NIPBL: variants seen among roughly 807,000 people sequenced by gnomAD.
NIPBL encodes nipped-B-like protein.
In NIPBL, 19 loss-of-function variants were observed where a neutral mutation model predicts 321.8. The ratio of observed to expected loss-of-function variants is 0.06; its 90% CI spans 0.04 to 0.09. The LOEUF is 0.09. NIPBL is among the 10% of genes least tolerant of loss of function. The pLI, the probability that NIPBL is intolerant of heterozygous loss-of-function variation, is 1.00. For missense variants in NIPBL, 2,210 were observed against 3,327.0 expected (o/e 0.66, Z 8.26); for synonymous variants, 1,106 against 1,114.1 (o/e 0.99, Z 0.14).
intron 31 of NIPBL, 97 bp downstream of exon 31, chr5:37,026,424 A>G (rs1750274464): frequency 1.3e-6 from 1 of 753,792 alleles, no homozygotes; most frequent in Non-Finnish European, 2.4e-6. Flanking sequence ...GAGATATTTC[A>G]TTAATCTTGA....
chr5:36,943,750 G>C (rs1164669627), intron 1 of NIPBL, among the ~76,000 whole-genome samples: 1 of 152,044 alleles, frequency 6.6e-6, no homozygotes, highest in African/African-American at 2.4e-5. Context: ...AGTACGGAGA[G>C]GAAGATAAAA....
chr5:36,897,394 C>T (rs904660349), intron 1 of NIPBL, among the ~76,000 whole-genome samples: 17 of 152,104 alleles, frequency 1.1e-4, no homozygotes. Context: ...TATCCTGCAA[C>T]CTTGCTGAAC....
chr5:36,924,441 T>A (rs192576739), intron 1 of NIPBL, among the ~76,000 whole-genome samples: 1 of 152,292 alleles, frequency 6.6e-6, no homozygotes, highest in East Asian at 1.9e-4. Context: ...GAATTCATAT[T>A]CTGATTGTGG....
chr5:37,032,380 T>A (rs1472732536), intron 32 of NIPBL, among the ~76,000 whole-genome samples: 1 of 140,030 alleles, frequency 7.1e-6, no homozygotes, highest in Non-Finnish European at 1.5e-5. Context: ...TATGCATACA[T>A]GTATACGTGT....
At chr5:36,891,921 A>G (rs1458139404) in intron 1 of NIPBL, among the ~76,000 whole-genome samples, 1 of 152,108 alleles carries the variant, frequency 6.6e-6, no homozygotes, top group Non-Finnish European at 1.5e-5. Flanking sequence ...GAGAGAATGA[A>G]AACAGTCAAG....
chr5:37,054,884 A>T (rs767894771), intron 42 of NIPBL, among the ~76,000 whole-genome samples: 2 of 152,208 alleles, frequency 1.3e-5, no homozygotes, highest in Non-Finnish European at 2.9e-5. Flanking sequence ...CATAATGAGG[A>T]ATAATATATA....
In NIPBL at chr5:36,936,053, A is replaced by T. The variant is rs191756483; in HGVS notation, c.-79-17565A>T. Among the ~76,000 whole-genome samples, 25 of 152,200 alleles carry T rather than the reference A, an allele frequency of 1.6e-4. No homozygotes were observed. The East Asian group carries it at 4.6e-3, about 28-fold the overall frequency. Reference sequence around the variant, plus strand: ...ATGGGCTCCCAGTGGACTTATTTGCAGGGGGTTGAGGGTTTCACATTTCAA... The same window carrying T: ...ATGGGCTCCCAGTGGACTTATTTGCTGGGGGTTGAGGGTTTCACATTTCAA... On this transcript the variant is annotated intron_variant, in intron 1 of 46. Transcript: ENST00000282516.
chr5:37,021,355 A>AAT (rs901818300), intron 27 of NIPBL, among the ~76,000 whole-genome samples: 3 of 152,156 alleles, frequency 2.0e-5, no homozygotes, highest in Non-Finnish European at 2.9e-5. Context: ...TTGTTTTACA[A>AAT]ATATATATTT....
intron 1 of NIPBL, among the ~76,000 whole-genome samples, chr5:36,883,267 A>G (rs1745639680): frequency 6.6e-6 from 1 of 151,992 alleles, no homozygotes; most frequent in African/African-American, 2.4e-5. Flanking sequence ...CTTAACATGC[A>G]TATACCAATT....
At position 37,065,340 on chromosome 5, in the gene NIPBL, G is replaced by GAA. The variant is rs768908921; in HGVS notation, c.*459_*460dup. ...TCCTGGATATATAATTTATTCTGTTGAAAAAAAAAAAAGCATGCAGTATCT... is the reference window on the plus strand; with the variant it reads ...TCCTGGATATATAATTTATTCTGTTGAAAAAAAAAAAAAAGCATGCAGTATCT... On this transcript the variant is annotated 3_prime_UTR_variant, in exon 47 of 47. Transcript: ENST00000282516. 3.3e-5 allele frequency: 5 copies of GAA among 153,366 alleles called. No individual in the cohort carries two copies. Among genetic ancestry groups the GAA allele is most frequent in the South Asian group, 1.6e-4 (1 of 6,262 alleles). The allele number at this position is 153,366 out of a possible 1,614,324, so 9.5% of individuals were successfully genotyped here.
intron 1 of NIPBL, among the ~76,000 whole-genome samples, chr5:36,941,227 T>C (rs186449048): frequency 9.1e-4 from 138 of 152,264 alleles, no homozygotes; most frequent in African/African-American, 3.2e-3. Context: ...ATTGAAAGTG[T>C]TGTGTTTCCT....
chr5:36,965,560 A>G (rs1432753741), intron 6 of NIPBL, among the ~76,000 whole-genome samples: 2 of 152,230 alleles, frequency 1.3e-5, no homozygotes, highest in Admixed American at 1.3e-4. Context: ...AATGGGGACA[A>G]ATATACTGTC....
Position 37,024,281 on chromosome 5 carries a change from A to T in NIPBL, c.5575-304A>T, listed in dbSNP as rs181807395. On this transcript the variant is annotated intron_variant, in intron 29 of 46. Coordinates refer to ENST00000282516, the MANE Select transcript of NIPBL (RefSeq NM_133433.4). ...ACTTCATGTGCTGTTTAAGTGCCAG[A>T]CACTATTCTAAAGCTTATGTTTGTT... Among the ~76,000 whole-genome samples the T allele has an allele frequency of 5.8e-4, 88 of 152,248 alleles. 1 individual carries two copies. Among genetic ancestry groups the T allele is most frequent in the African/African-American group, 2.1e-3 (88 of 41,544 alleles).
chr5:37,013,775 G>A (rs1361120243), intron 21 of NIPBL, among the ~76,000 whole-genome samples: 1 of 152,192 alleles, frequency 6.6e-6, no homozygotes, highest in African/African-American at 2.4e-5. Flanking sequence ...GGGCGGCCAG[G>A]CGGAGATGCT....
Position 36,885,278 on chromosome 5 carries a change from G to C in NIPBL, c.-80+8100G>C, listed in dbSNP as rs1745805802. On this transcript the variant is annotated intron_variant, in intron 1 of 46. Coordinates refer to ENST00000282516, the MANE Select transcript of NIPBL (RefSeq NM_133433.4). ...GGGCTCTGTCCAGCCACCCAGCTAT[G>C]GTGCCTGACTGGTCAGCAGTGCAGC... is the stretch of plus-strand genomic sequence containing the variant. The C allele has an allele frequency of 5.9e-6, 3 of 507,084 alleles. No individual in the cohort carries two copies. The Admixed American group carries it at 6.4e-5, about 11-fold the overall frequency. The allele number at this position is 507,084 out of a possible 1,614,324, so 31.4% of individuals were successfully genotyped here. A position where few individuals can be genotyped will look rare whatever the true frequency, so the allele number is the denominator to read the frequency against.
chr5:36,945,130 C>T (rs1246251370), intron 1 of NIPBL, among the ~76,000 whole-genome samples: 2 of 152,086 alleles, frequency 1.3e-5, no homozygotes, highest in African/African-American at 4.8e-5. Flanking sequence ...CCAAACAATT[C>T]ATAGACGCGC....
chr5:37,042,893 A>ACGCGCGCGCACACACACG (rs71604851), intron 34 of NIPBL, among the ~76,000 whole-genome samples: 2 of 147,768 alleles, frequency 1.4e-5, no homozygotes, highest in East Asian at 4.0e-4. Flanking sequence ...TACTACACAC[A>ACGCGCGCGCACACACACG]CGCGCGCACA....
intron 1 of NIPBL, among the ~76,000 whole-genome samples, chr5:36,927,549 G>A (rs886177616): frequency 5.3e-5 from 8 of 152,108 alleles, no homozygotes; most frequent in Non-Finnish European, 1.2e-4. Context: ...ATATTTTGAA[G>A]GTAGAGACTC....
At chr5:36,951,687 A>G (rs1171664610) in intron 1 of NIPBL, among the ~76,000 whole-genome samples, 1 of 152,186 alleles carries the variant, frequency 6.6e-6, no homozygotes, top group Non-Finnish European at 1.5e-5. Flanking sequence ...TAATAATTTC[A>G]AAGAGTAGAA....
Sources: gnomAD v4.1 joint callset for allele counts (sites outside exome capture counted in the v4.1 genomes callset) on GRCh38, gnomAD v4.1.1 for gene constraint, MANE v1.5 for transcripts, NCBI Gene and HGNC (gene_info 2026-07-23, HGNC 2026-07-21) for gene names.